ENOSF1: variants seen among roughly 807,000 people sequenced by gnomAD.
The protein encoded by ENOSF1 is enolase superfamily member 1.
ENOSF1 carries 73 observed loss-of-function variants against 68.2 expected under a neutral mutation model. The ratio of observed to expected loss-of-function variants is 1.07; its 90% CI spans 0.89 to 1.30. The LOEUF is 1.30. Among genes scored for constraint, ENOSF1 ranks in the 50% most tolerant of loss-of-function variants. The pLI is 0.00. For missense variants in ENOSF1, 589 were observed against 554.5 expected (o/e 1.06, Z -0.62); for synonymous variants, 223 against 210.4 (o/e 1.06, Z -0.52).
intron 7 of ENOSF1, 172 bp from the exon 8 acceptor site, chr18:690,803 ACT>A: frequency 6.8e-7 from 1 of 1,468,982 alleles, no homozygotes; most frequent in African/African-American, 1.4e-5. Flanking sequence ...TGATCAGGAT[ACT>A]CTCACGGACT....
intron 10 of ENOSF1, among the ~76,000 whole-genome samples, chr18:683,988 CTTTTCT>C (rs1337942466): frequency 2.1e-5 from 3 of 140,576 alleles, no homozygotes; most frequent in African/African-American, 3.0e-5. Context: ...CCGTGGATTT[CTTTTCT>C]TTTTCTTTTT....
chr18:666,980 GA>G (rs1295518621), downstream of ENOSF1, among the ~76,000 whole-genome samples: 1 of 14,268 alleles, frequency 7.0e-5, no homozygotes, highest in Non-Finnish European at 1.5e-4. Flanking sequence ...GATGGAGATG[GA>G]GATGGTGATG....
intron 3 of ENOSF1, among the ~76,000 whole-genome samples, chr18:696,204 C>CTTTTTTTTTTTTTTTTT (rs368856668): frequency 8.4e-6 from 1 of 118,688 alleles, no homozygotes; most frequent in African/African-American, 3.3e-5. Context: ...ACATCTCTCT[C>CTTTTTTTTTTTTTTTTT]TTTTTTTTTT....
rs2075396426 is a variant in ENOSF1 at position 675,461 on chromosome 18, G to A, written c.1149-59C>T. On this transcript the variant is annotated intron_variant, in intron 14 of 15. Transcript: ENST00000647584. ...CCTGAAGTCAGATTATTCACGTGGT[G>A]CTAACTTAAAGCAGAAGGAGCGAGT... 5 of 1,445,168 alleles carry A rather than the reference G, an allele frequency of 3.5e-6. No homozygotes were observed. In the African/African-American group the frequency reaches 4.2e-5, roughly 12 times the overall value. 89.5% of individuals were successfully genotyped at this position (1,445,168 alleles called of 1,614,324 possible).
intron 1 of ENOSF1, chr18:706,817 T>TATATA (rs200437325): frequency 0.017 from 1,113 of 63,690 alleles, 10 homozygotes; most frequent in African/African-American, 0.067. Context: ...ATATATATAT[T>TATATA]TTTTTTTTTT....
At chr18:690,702 A>AAGCTGTTTCCCCTGGAGATTCC in intron 7 of ENOSF1, 71 bp from the exon 8 acceptor site, 1 of 1,579,840 alleles carries the variant, frequency 6.3e-7, no homozygotes. Context: ...GCCTGTAGCT[A>AAGCTGTTTCCCCTGGAGATTCC]AGCTGTTTCC....
chr18:680,847 A>ATT lies in ENOSF1; in HGVS notation c.877-2112_877-2111dup, dbSNP rs1168596604. ...AGGCACACATCACCGCGCCCTGCTA[A>ATT]TTTTTTTTTTTTTTCTGAGATGGAG... On this transcript the variant is annotated intron_variant, in intron 11 of 15. Transcript: ENST00000647584. Among the ~76,000 whole-genome samples the ATT allele has an allele frequency of 1.1e-4, 14 of 125,736 alleles. 1 individual carries two copies. Among genetic ancestry groups the ATT allele is most frequent in the Admixed American group, 2.4e-4 (3 of 12,746 alleles). The allele number at this position is 125,736 out of a possible 152,430, so 82.5% of individuals were successfully genotyped here.
At position 673,156 on chromosome 18, in the gene ENOSF1, AT is replaced by A; in HGVS notation, c.*1148del. 1.4e-6 allele frequency: 1 copy of A among 728,082 alleles called. No individual in the cohort carries two copies. The highest frequency in any genetic ancestry group is 2.1e-6 in the Non-Finnish European group (1 of 482,270). 45.1% of individuals were successfully genotyped at this position (728,082 alleles called of 1,614,324 possible). A position where few individuals can be genotyped will look rare whatever the true frequency, so the allele number is the denominator to read the frequency against. On this transcript the variant is annotated 3_prime_UTR_variant, in exon 16 of 16. Transcript: ENST00000647584. ...TTTTTAAGGATGTTGCCACTGGCAAATGTAACTGTGCCAGTTCTTTCCATAA... is the reference window on the plus strand; with the variant it reads ...TTTTTAAGGATGTTGCCACTGGCAAAGTAACTGTGCCAGTTCTTTCCATAA...
chr18:680,521 T>G (rs987346206), intron 11 of ENOSF1, among the ~76,000 whole-genome samples: 14 of 152,184 alleles, frequency 9.2e-5, no homozygotes, highest in Middle Eastern at 3.4e-3. Context: ...TCTCCCTTTA[T>G]CTCTCTCAGA....
In ENOSF1 at chr18:670,879, C is replaced by A; in HGVS notation, c.*3426G>T. On this transcript the variant is annotated 3_prime_UTR_variant, in exon 16 of 16. Transcript: ENST00000647584. ...TCACGGGCCTGAAGGTGGGCTGTCT[C>A]GGGAAGGGTGACTTGCCAGCCTACC... is the stretch of plus-strand genomic sequence containing the variant. The A allele has an allele frequency of 6.2e-7, 1 of 1,613,288 alleles. No homozygotes were observed. The highest frequency in any genetic ancestry group is 1.1e-5 in the South Asian group (1 of 90,976).
At chr18:693,235 GT>G (rs2077382551) in intron 5 of ENOSF1, 5 of 1,288,946 alleles carry the variant, frequency 3.9e-6, no homozygotes, top group Non-Finnish European at 5.1e-6. Context: ...AGAATTCAGT[GT>G]TGAGCTCCTT....
chr18:686,060 G>C, intron 9 of ENOSF1, 52 bp from the exon 10 acceptor site: 4 of 1,351,518 alleles, frequency 3.0e-6, no homozygotes, highest in Non-Finnish European at 4.3e-6. Context: ...GACTTGGCAA[G>C]GGCATCTGGA....
Position 706,529 on chromosome 18 carries a change from G to C in ENOSF1, c.134C>G (p.Ala45Gly), listed in dbSNP as rs762941161. ...TCCACACCCCTTGATTCCATCTTCT[G>C]CATCAGTTTCTATGACGACATAGGC... ...SAAYVVIETD[A>G]EDGIKGCGIT... Residue 45 changes from alanine (A) to glycine (G), a missense_variant, in exon 2 of 16, where the codon GCA (alanine) becomes GGA (glycine). Physicochemically the swap from Ala to Gly is moderately conservative, Grantham distance 60. Transcript: ENST00000647584. 5 of 1,613,848 alleles carry C rather than the reference G, an allele frequency of 3.1e-6. No individual in the cohort carries two copies. In the South Asian group the frequency reaches 3.3e-5, roughly 11 times the overall value.
In ENOSF1 at chr18:695,963, T is replaced by C. The variant is rs189380205; in HGVS notation, c.309+1277A>G. 3.3e-3 allele frequency among the ~76,000 whole-genome samples: 496 copies of C among 152,298 alleles called. 1 individual carries two copies. The highest frequency in any genetic ancestry group is 5.2e-3 in the Non-Finnish European group (352 of 68,030). ...ATTCTCTTGTGCCCTTCTCAGTGCA[T>C]GGATGGGAGACTAAGCCGGGTTAGG... On this transcript the variant is annotated intron_variant, in intron 3 of 15. Coordinates refer to ENST00000647584, the MANE Select transcript of ENOSF1 (RefSeq NM_017512.7).
chr18:687,116 C>T (rs1264581015), intron 9 of ENOSF1: 1 of 152,182 alleles, frequency 6.6e-6, no homozygotes, highest in African/African-American at 2.4e-5. Flanking sequence ...GATATGGCAA[C>T]TTGGAGGAGG....
chr18:702,692 T>C (rs573711252), intron 2 of ENOSF1, among the ~76,000 whole-genome samples: 2 of 151,268 alleles, frequency 1.3e-5, no homozygotes, highest in East Asian at 1.9e-4. Flanking sequence ...TGAGCCGTGA[T>C]TGCACCACTG....
Position 673,162 on chromosome 18 carries a change from C to A in ENOSF1, c.*1143G>T. 1 of 672,446 alleles carries A rather than the reference C, an allele frequency of 1.5e-6. No homozygotes were observed. The highest frequency in any genetic ancestry group is 2.3e-6 in the Non-Finnish European group (1 of 435,378). 41.7% of individuals were successfully genotyped at this position (672,446 alleles called of 1,614,324 possible). On this transcript the variant is annotated 3_prime_UTR_variant, in exon 16 of 16. Coordinates refer to ENST00000647584, the MANE Select transcript of ENOSF1 (RefSeq NM_017512.7). ...AGGATGTTGCCACTGGCAAATGTAACTGTGCCAGTTCTTTCCATAATAAAA... is the reference window on the plus strand; with the variant it reads ...AGGATGTTGCCACTGGCAAATGTAAATGTGCCAGTTCTTTCCATAATAAAA...
At position 672,768 on chromosome 18, in the gene ENOSF1, A is replaced by G; in HGVS notation, c.*1537T>C. 1 of 1,386,186 alleles carries G rather than the reference A, an allele frequency of 7.2e-7. No individual in the cohort carries two copies. The highest frequency in any genetic ancestry group is 9.8e-7 in the Non-Finnish European group (1 of 1,025,196). The allele number at this position is 1,386,186 out of a possible 1,614,324, so 85.9% of individuals were successfully genotyped here. ...ACTCCTGTAAAATAGAACTTTGTTG[A>G]TCACATCCTGTGTACTTGTTTCACG... On this transcript the variant is annotated 3_prime_UTR_variant, in exon 16 of 16. Transcript: ENST00000647584.
chr18:706,679 C>T (rs1448325700), intron 1 of ENOSF1, 101 bp from the exon 2 acceptor site: 5 of 839,572 alleles, frequency 6.0e-6, no homozygotes, highest in African/African-American at 3.3e-5. Flanking sequence ...CCACAGGGGC[C>T]GTGCCACAAG....
Sources: allele counts gnomAD v4.1 joint callset (sites outside exome capture counted in the v4.1 genomes callset), GRCh38; gene constraint gnomAD v4.1.1; transcripts MANE v1.5; gene names NCBI Gene and HGNC (gene_info 2026-07-23, HGNC 2026-07-21).